Variants in FOSB observed in about 807,000 individuals in gnomAD.
The protein encoded by FOSB is protein FosB.
In FOSB, 8 loss-of-function variants were observed where a neutral mutation model predicts 31.1. The ratio of observed to expected loss-of-function variants is 0.26; its 90% CI spans 0.15 to 0.46. The LOEUF (loss-of-function observed/expected upper bound fraction) is 0.46. Ranked by LOEUF, FOSB falls within the 20% of genes least tolerant of loss-of-function variation. The probability of loss-of-function intolerance (pLI) is 0.99; values close to 1 mark genes in which losing one functional copy is unlikely to be tolerated. For missense variants in FOSB, 376 were observed against 460.6 expected (o/e 0.82, Z 1.68); for synonymous variants, 214 against 206.1 (o/e 1.04, Z -0.33).
chr19:45,472,721 G>C lies in FOSB; in HGVS notation c.726G>C (p.Pro242=), dbSNP rs370863132. 111 of 1,610,868 alleles carry C rather than the reference G, an allele frequency of 6.9e-5. 1 individual carries two copies. The East Asian group carries it at 2.3e-3, about 33-fold the overall frequency. The part of the protein sequence containing the change: ...PGPLAEVRDL[P]GSAPAKEDGF... Reference sequence around the variant, plus strand: ...CGCTGGCGGAGGTGAGAGATTTGCCGGGCTCAGCACCGGCTAAGGAAGATG... The same window carrying C: ...CGCTGGCGGAGGTGAGAGATTTGCCCGGCTCAGCACCGGCTAAGGAAGATG... The change falls in exon 4 of 4, where the codon CCG becomes CCC. Residue 242 remains proline, a synonymous_variant. Transcript: ENST00000353609. This position sits in a 1 kb window ranked among gnomAD's most constrained non-coding sequence, Gnocchi z 5.4.
chr19:45,469,595 G>A (rs1967559219), intron 1 of FOSB, among the ~76,000 whole-genome samples: 2 of 152,196 alleles, frequency 1.3e-5, no homozygotes, highest in South Asian at 2.1e-4. Context: ...AGGCCCTTGC[G>A]GGGATCTAGT....
intron 1 of FOSB, 157 bp from the exon 2 acceptor site, chr19:45,470,472 G>A (rs566612481): frequency 5.8e-6 from 4 of 695,100 alleles, no homozygotes; most frequent in Non-Finnish European, 9.9e-6. Context: ...GTAGTGGAAG[G>A]GTGGGTGTTG....
At chr19:45,469,439 T>C (rs1967548422) in intron 1 of FOSB, among the ~76,000 whole-genome samples, 1 of 152,170 alleles carries the variant, frequency 6.6e-6, no homozygotes, top group African/African-American at 2.4e-5. Flanking sequence ...CCCTTCCTAT[T>C]TGTAGGGTGC....
Position 45,470,723 on chromosome 19 carries a change from C to T in FOSB, c.221C>T (p.Thr74Ile), listed in dbSNP as rs1415983641. The T allele has an allele frequency of 6.2e-7, 1 of 1,613,356 alleles. No homozygotes were observed. The highest frequency in any genetic ancestry group is 8.5e-7 in the Non-Finnish European group (1 of 1,180,016). The part of the protein sequence containing the change: ...SQDLQWLVQP[T>I]LISSMAQSQG... ...GACCTCCAGTGGCTTGTGCAACCCA[C>T]CCTCATCTCTTCCATGGCCCAGTCC... The change falls in exon 2 of 4, where the codon ACC becomes ATC. Residue 74 changes from threonine (T) to isoleucine (I), a missense_variant. By Grantham distance (89) the Thr-to-Ile change is moderately conservative. Transcript: ENST00000353609.
rs141121721 is a variant in FOSB at position 45,472,805 on chromosome 19, A to G, written c.810A>G (p.Gln270=). 2.7e-4 allele frequency: 440 copies of G among 1,614,050 alleles called. No homozygotes were observed. Among genetic ancestry groups the G allele is most frequent in the Non-Finnish European group, 3.6e-4 (421 of 1,180,036 alleles). Residue 270 remains glutamine (Q), a synonymous_variant, in exon 4 of 4, where the codon CAA becomes CAG. Coordinates refer to ENST00000353609, the MANE Select transcript of FOSB (RefSeq NM_006732.3). The surrounding 1 kb of genome is among the most constrained non-coding windows in gnomAD (Gnocchi z 5.4). ...CGCCCCTGCCCTTCCAGACCAGCCAAGACGCACCCCCCAACCTGACGGCTT... is the reference window on the plus strand; with the variant it reads ...CGCCCCTGCCCTTCCAGACCAGCCAGGACGCACCCCCCAACCTGACGGCTT... ...PPPPLPFQTS[Q]DAPPNLTASL... is the part of the protein sequence containing the mutation.
In FOSB at chr19:45,471,265, G is replaced by C; in HGVS notation, c.519G>C (p.Arg173Ser). Residue 173 changes from arginine (R) to serine (S), a missense_variant, in exon 3 of 4, where the codon AGG (arginine) becomes AGC (serine). Physicochemically the swap from Arg to Ser is moderately radical, Grantham distance 110. Coordinates refer to ENST00000353609, the MANE Select transcript of FOSB (RefSeq NM_006732.3). ...ERNKLAAAKC[R>S]NRRRELTDRL... The stretch of plus-strand genomic sequence containing the variant: ...ATAAACTAGCAGCAGCTAAATGCAG[G>C]AACCGGCGGAGGGAGCTGACCGACC... The C allele has an allele frequency of 6.4e-7, 1 of 1,568,482 alleles. No individual in the cohort carries two copies. Among genetic ancestry groups the C allele is most frequent in the Non-Finnish European group, 8.6e-7 (1 of 1,156,272 alleles).
intron 1 of FOSB, among the ~76,000 whole-genome samples, chr19:45,469,248 A>T (rs1037054696): frequency 1.3e-5 from 2 of 152,140 alleles, no homozygotes; most frequent in African/African-American, 2.4e-5. Flanking sequence ...GTAACGGCTG[A>T]CGCGCTGGAA....
chr19:45,471,475 T>A, intron 3 of FOSB, 174 bp downstream of exon 3: 2 of 510,684 alleles, frequency 3.9e-6, no homozygotes. Context: ...CAGACCCCCA[T>A]GGACTTAAGT....
In FOSB at chr19:45,470,945, A is replaced by T. The variant is rs1210345484; in HGVS notation, c.443A>T (p.Glu148Val). Reference protein sequence around the residue: ...ARARPRRPREETLTPEEEEKR... With the variant: ...ARARPRRPREVTLTPEEEEKR... ...GCCCGGCCTAGGAGACCCCGAGAGGAGACGGTGAGTAAGGGACATCAGAAC... is the reference window on the plus strand; with the variant it reads ...GCCCGGCCTAGGAGACCCCGAGAGGTGACGGTGAGTAAGGGACATCAGAAC... Residue 148 changes from glutamate (E) to valine (V), a missense_variant, in exon 2 of 4, where the codon GAG becomes GTG. By Grantham distance (121) the Glu-to-Val change is moderately radical. Around this residue, in one of 3 missense-constraint regions of FOSB, gnomAD observed 193 missense variants for 207.1 expected, o/e 0.93. Coordinates refer to ENST00000353609, the MANE Select transcript of FOSB (RefSeq NM_006732.3). 6.2e-7 allele frequency: 1 copy of T among 1,610,576 alleles called. No individual in the cohort carries two copies. The highest frequency in any genetic ancestry group is 1.1e-5 in the South Asian group (1 of 91,028).
At position 45,470,823 on chromosome 19, in the gene FOSB, A is replaced by G. The variant is rs1967626453; in HGVS notation, c.321A>G (p.Pro107=). Residue 107 remains proline, a synonymous_variant, in exon 2 of 4, where the codon CCA becomes CCG. Transcript: ENST00000353609. ...TGCCGGGAACCAGCTACTCCACACC[A>G]GGCATGAGTGGCTACAGCAGTGGCG... ...YDMPGTSYST[P]GMSGYSSGGA... 1 of 1,613,838 alleles carries G rather than the reference A, an allele frequency of 6.2e-7. No homozygotes were observed. Among genetic ancestry groups the G allele is most frequent in the African/African-American group, 1.3e-5 (1 of 74,858 alleles).
In FOSB at chr19:45,473,036, CAA is replaced by C. The variant is rs1250860744; in HGVS notation, c.*26_*27del. The C allele has an allele frequency of 6.3e-7, 1 of 1,581,490 alleles. No individual in the cohort carries two copies. Among genetic ancestry groups the C allele is most frequent in the African/African-American group, 1.3e-5 (1 of 74,542 alleles). ...GAACTCTTTAGACACACAAAACAAA[CAA>C]ACACATGGGGGAGAGAGACTTGGAA... On this transcript the variant is annotated 3_prime_UTR_variant, in exon 4 of 4. Transcript: ENST00000353609.
At chr19:45,469,797 C>G (rs1967571631) in intron 1 of FOSB, 1 of 152,546 alleles carries the variant, frequency 6.6e-6, no homozygotes, top group African/African-American at 2.4e-5. Flanking sequence ...GCCAGGTGGT[C>G]TCCAGGAGCT....
chr19:45,470,607 G>T, intron 1 of FOSB, 22 bp from the exon 2 acceptor site: 1 of 1,582,258 alleles, frequency 6.3e-7, no homozygotes, highest in Non-Finnish European at 8.6e-7. Flanking sequence ...CTACGCCTGT[G>T]TGTGTATGTG....
At position 45,468,624 on chromosome 19, in the gene FOSB, C is replaced by T; in HGVS notation, c.38C>T (p.Ser13Phe). The T allele has an allele frequency of 6.2e-7, 1 of 1,613,556 alleles. No individual in the cohort carries two copies. The highest frequency in any genetic ancestry group is 2.2e-5 in the East Asian group (1 of 44,768). The change falls in exon 1 of 4, where the codon TCC becomes TTC. Residue 13 changes from serine to phenylalanine, a missense_variant. Physicochemically the swap from Ser to Phe is radical, Grantham distance 155. This residue lies in a region of FOSB where 193 missense variants were observed against 207.1 expected (regional missense o/e 0.93). Transcript: ENST00000353609. The surrounding 1 kb of genome is among the most constrained non-coding windows in gnomAD (Gnocchi z 4.8). ...QAFPGDYDSGSRCSSSPSAES... is the reference protein window; with the variant it reads ...QAFPGDYDSGFRCSSSPSAES... Reference sequence around the variant, plus strand: ...TTCCCCGGAGACTACGACTCCGGCTCCCGGTGCAGCTCCTCACCCTCTGCC... The same window carrying T: ...TTCCCCGGAGACTACGACTCCGGCTTCCGGTGCAGCTCCTCACCCTCTGCC...
intron 1 of FOSB, among the ~76,000 whole-genome samples, chr19:45,469,242 C>A (rs1008857903): frequency 1.3e-4 from 20 of 152,350 alleles, no homozygotes; most frequent in Admixed American, 9.1e-4. Flanking sequence ...CCGTGCGTAA[C>A]GGCTGACGCG....
Position 45,470,806 on chromosome 19 carries a change from A to G in FOSB, c.304A>G (p.Thr102Ala). Residue 102 changes from threonine (T) to alanine (A), a missense_variant, in exon 2 of 4, where the codon ACC (threonine) becomes GCC (alanine). Thr to Ala is a moderately conservative substitution (Grantham distance 58). This residue lies in a region of FOSB where 193 missense variants were observed against 207.1 expected (regional missense o/e 0.93). Transcript: ENST00000353609. The part of the protein sequence containing the change: ...PVVDPYDMPG[T>A]SYSTPGMSGY... ...CGTCGACCCCTACGACATGCCGGGA[A>G]CCAGCTACTCCACACCAGGCATGAG... 1.2e-6 allele frequency: 2 copies of G among 1,614,018 alleles called. No homozygotes were observed. The highest frequency in any genetic ancestry group is 1.7e-6 in the Non-Finnish European group (2 of 1,180,004).
At position 45,473,358 on chromosome 19, in the gene FOSB, G is replaced by C. The variant is rs1448121972; in HGVS notation, c.*346G>C. The C allele has an allele frequency of 3.3e-6, 1 of 301,738 alleles. No homozygotes were observed. The highest frequency in any genetic ancestry group is 2.2e-5 in the African/African-American group (1 of 45,430). The allele number at this position is 301,738 out of a possible 1,614,324, so 18.7% of individuals were successfully genotyped here. The stretch of plus-strand genomic sequence containing the variant: ...AGGGGGGCGGGTGACGCCCACCTTC[G>C]GGCAGTCCTGTGTGAGGATTAAGGG... On this transcript the variant is annotated 3_prime_UTR_variant, in exon 4 of 4. Coordinates refer to ENST00000353609, the MANE Select transcript of FOSB (RefSeq NM_006732.3).
In FOSB at chr19:45,472,904, G is replaced by C. The variant is rs757460485; in HGVS notation, c.909G>C (p.Ser303=). ...TTGTTAACCCTTCGTACACTTCTTC[G>C]TTTGTCCTCACCTGCCCGGAGGTCT... ...FPVVNPSYTS[S]FVLTCPEVSA... is the part of the protein sequence containing the mutation. Residue 303 remains serine, a synonymous_variant, in exon 4 of 4, where the codon TCG becomes TCC. Coordinates refer to ENST00000353609, the MANE Select transcript of FOSB (RefSeq NM_006732.3). This position sits in a 1 kb window ranked among gnomAD's most constrained non-coding sequence, Gnocchi z 5.4. 3.1e-6 allele frequency: 5 copies of C among 1,614,124 alleles called. 1 individual carries two copies. In the South Asian group the frequency reaches 4.4e-5, roughly 14 times the overall value.
chr19:45,471,124 A>G, intron 2 of FOSB, 70 bp from the exon 3 acceptor site: 1 of 1,428,404 alleles, frequency 7.0e-7, no homozygotes, highest in African/African-American at 1.4e-5. Context: ...TTCTGAAAGA[A>G]GTAGAGGTTC....
Sources: allele counts gnomAD v4.1 joint callset (sites outside exome capture counted in the v4.1 genomes callset), GRCh38; gene constraint gnomAD v4.1.1; regional missense constraint gnomAD v4.1.1; non-coding constraint Gnocchi (gnomAD v3.1); transcripts MANE v1.5; gene names NCBI Gene and HGNC (gene_info 2026-07-23, HGNC 2026-07-21).